Variants in STK39 observed in about 807,000 individuals in gnomAD.
STK39 encodes STE20/SPS1-related proline-alanine-rich protein kinase.
A neutral mutation model predicts 77.8 loss-of-function variants in STK39; 20 were observed. That is an observed-to-expected ratio of 0.26 (90% CI 0.18 to 0.37). STK39 has a LOEUF of 0.37. STK39 is among the 10% of genes least tolerant of loss of function. STK39 has a pLI of 1.00. For synonymous variants in STK39, 246 were observed against 234.1 expected (o/e 1.05, Z -0.47); for missense variants, 479 against 656.5 (o/e 0.73, Z 2.95).
At chr2:167,965,696 T>A (rs1692138121) in intron 16 of STK39, among the ~76,000 whole-genome samples, 1 of 152,206 alleles carries the variant, frequency 6.6e-6, no homozygotes, top group Non-Finnish European at 1.5e-5. Context: ...TCATTTTTAT[T>A]TTTTTATGAG....
At chr2:168,169,412 C>G (rs1688768029) in intron 2 of STK39, among the ~76,000 whole-genome samples, 1 of 152,184 alleles carries the variant, frequency 6.6e-6, no homozygotes, top group African/African-American at 2.4e-5. Context: ...TGCAGCTGCA[C>G]TCTAAATGTA....
chr2:168,033,391 C>T (rs187261386), intron 14 of STK39, among the ~76,000 whole-genome samples: 45 of 152,260 alleles, frequency 3.0e-4, no homozygotes, highest in Admixed American at 1.1e-3. Flanking sequence ...CTTCCGGCTA[C>T]GAAACTATTC....
intron 14 of STK39, among the ~76,000 whole-genome samples, chr2:168,034,914 T>A (rs1211367104): frequency 1.3e-5 from 2 of 152,228 alleles, no homozygotes; most frequent in Admixed American, 1.3e-4. Flanking sequence ...TTTATCTGCA[T>A]CTCAGCAATA....
At chr2:168,082,090 G>A (rs1686249479) in intron 10 of STK39, among the ~76,000 whole-genome samples, 2 of 152,174 alleles carry the variant, frequency 1.3e-5, no homozygotes, top group Admixed American at 1.3e-4. Flanking sequence ...TTTCCCTGCT[G>A]TGTGCAAAGA....
chr2:168,155,091 C>T (rs958603880), intron 5 of STK39, among the ~76,000 whole-genome samples: 2 of 152,122 alleles, frequency 1.3e-5, no homozygotes, highest in African/African-American at 4.8e-5. Context: ...CTCATGCCCC[C>T]CTAGACACTC....
intron 5 of STK39, among the ~76,000 whole-genome samples, chr2:168,145,758 T>C (rs1393128598): frequency 6.6e-6 from 1 of 152,156 alleles, no homozygotes; most frequent in East Asian, 1.9e-4. Context: ...ACCAAGAATG[T>C]CCAGTGCTGG....
intron 16 of STK39, among the ~76,000 whole-genome samples, chr2:167,981,232 T>C (rs1683409738): frequency 6.6e-6 from 1 of 152,230 alleles, no homozygotes; most frequent in South Asian, 2.1e-4. Context: ...AACCATTGCT[T>C]CCTTCATTGA....
intron 10 of STK39, among the ~76,000 whole-genome samples, chr2:168,101,448 T>C (rs1315510731): frequency 3.3e-5 from 5 of 152,144 alleles, no homozygotes; most frequent in African/African-American, 9.7e-5. Flanking sequence ...TTAAAAAATA[T>C]ATACATTGGC....
intron 14 of STK39, among the ~76,000 whole-genome samples, chr2:168,058,570 C>T (rs1403613006): frequency 1.3e-5 from 2 of 152,218 alleles, no homozygotes; most frequent in Non-Finnish European, 2.9e-5. Flanking sequence ...TCACAGACAA[C>T]TCACGCTTAA....
chr2:168,055,519 T>C (rs1034929140), intron 14 of STK39, among the ~76,000 whole-genome samples: 38 of 152,250 alleles, frequency 2.5e-4, no homozygotes, highest in African/African-American at 8.9e-4. Flanking sequence ...GGTCTTCAAC[T>C]GGTCCCTCAA....
intron 1 of STK39, among the ~76,000 whole-genome samples, chr2:168,219,298 A>C (rs913177154): frequency 6.6e-6 from 1 of 152,110 alleles, no homozygotes; most frequent in African/African-American, 2.4e-5. Flanking sequence ...AAAAAAAAAA[A>C]AATCTTCAGA....
intron 16 of STK39, among the ~76,000 whole-genome samples, chr2:167,985,821 G>A (rs1384617986): frequency 6.6e-6 from 1 of 152,078 alleles, no homozygotes; most frequent in Non-Finnish European, 1.5e-5. Context: ...GGCATTTTAA[G>A]GAAATAAATA....
At chr2:168,189,411 TAA>T (rs5836177) in intron 1 of STK39, among the ~76,000 whole-genome samples, 3 of 147,000 alleles carry the variant, frequency 2.0e-5, no homozygotes, top group Admixed American at 6.8e-5. Flanking sequence ...AAGCAACAAC[TAA>T]AAAAAAAAAA....
chr2:168,028,137 A>T (rs1684747228), intron 14 of STK39, among the ~76,000 whole-genome samples: 1 of 151,752 alleles, frequency 6.6e-6, no homozygotes, highest in South Asian at 2.1e-4. Context: ...ACCATGGTGG[A>T]CTCTTTTTTT....
intron 17 of STK39, among the ~76,000 whole-genome samples, chr2:167,960,760 G>C (rs1382452834): frequency 6.6e-6 from 1 of 151,880 alleles, no homozygotes; most frequent in African/African-American, 2.4e-5. Flanking sequence ...CACTAGGAGA[G>C]TGTGAGGTGC....
At chr2:168,204,422 G>A (rs1056683049) in intron 1 of STK39, among the ~76,000 whole-genome samples, 3 of 152,302 alleles carry the variant, frequency 2.0e-5, no homozygotes, top group Admixed American at 6.5e-5. Context: ...GTAAACTGGC[G>A]GGAAATCTAG....
chr2:168,135,310 C>T (rs1024992433), intron 8 of STK39, among the ~76,000 whole-genome samples: 1 of 151,874 alleles, frequency 6.6e-6, no homozygotes, highest in Non-Finnish European at 1.5e-5. Flanking sequence ...TACTTAGAGA[C>T]TCCCTGGGCA....
At position 167,994,992 on chromosome 2, in the gene STK39, C is replaced by T. The variant is rs113870962; in HGVS notation, c.1498+17642G>A. Among the ~76,000 whole-genome samples, 346 of 151,982 alleles carry T rather than the reference C, an allele frequency of 2.3e-3. 1 individual carries two copies. Among genetic ancestry groups the T allele is most frequent in the African/African-American group, 7.9e-3 (329 of 41,498 alleles). On this transcript the variant is annotated intron_variant, in intron 16 of 17. Coordinates refer to ENST00000355999, the MANE Select transcript of STK39 (RefSeq NM_013233.3). ...CAAAGATGATGGGAGAGGTATTAAG[C>T]AACAATGAAATCTCAATGATGACTA...
chr2:168,040,440 C>T (rs142253465), intron 14 of STK39, among the ~76,000 whole-genome samples: 39 of 152,258 alleles, frequency 2.6e-4, no homozygotes, highest in African/African-American at 8.7e-4. Flanking sequence ...TCAACAAATG[C>T]TTTTCGCTAA....
Sources: gnomAD v4.1 joint callset for allele counts (sites outside exome capture counted in the v4.1 genomes callset) on GRCh38, gnomAD v4.1.1 for gene constraint, MANE v1.5 for transcripts, NCBI Gene and HGNC (gene_info 2026-07-23, HGNC 2026-07-21) for gene names.